Variants in PAIP2 observed in about 807,000 individuals in gnomAD.
PAIP2 encodes poly(A) binding protein interacting protein 2.
A neutral mutation model predicts 14.8 loss-of-function variants in PAIP2; 7 were observed. That is an observed-to-expected ratio of 0.47 (90% confidence interval 0.27 to 0.89). The LOEUF (loss-of-function observed/expected upper bound fraction) is 0.89, where lower values mean the gene tolerates loss of function less well. PAIP2 is among the 40% of genes least tolerant of loss of function. The pLI is 0.13. For missense variants in PAIP2, 122 were observed against 154.7 expected, an observed-to-expected ratio of 0.79 and a Z score of 1.12; for synonymous variants, 47 against 45.3, an observed-to-expected ratio of 1.04 and a Z score of -0.15.
intron 1 of PAIP2, among the ~76,000 whole-genome samples, chr5:139,351,504 T>G (rs1032806389): frequency 6.6e-6 from 1 of 152,244 alleles, no homozygotes; most frequent in Non-Finnish European, 1.5e-5. Flanking sequence ...AATACAGAAA[T>G]GCTTTATGTG....
chr5:139,343,719 T>G (rs1413065243), intron 1 of PAIP2, among the ~76,000 whole-genome samples: 1 of 148,904 alleles, frequency 6.7e-6, no homozygotes, highest in East Asian at 1.9e-4. Context: ...TTTTTTTTTT[T>G]TTTTTTTTTT....
intron 2 of PAIP2, 106 bp downstream of exon 2, chr5:139,364,028 A>C: frequency 1.1e-6 from 1 of 919,998 alleles, no homozygotes; most frequent in Admixed American, 2.2e-5. Context: ...TAAAGTATGT[A>C]GACTGATGTG....
At chr5:139,345,034 TTTGTTGTTG>T (rs369393131) in intron 1 of PAIP2, among the ~76,000 whole-genome samples, 3 of 151,636 alleles carry the variant, frequency 2.0e-5, no homozygotes, top group African/African-American at 4.8e-5. Flanking sequence ...CCCATGGGTT[TTTGTTGTTG>T]TTGTTGTTGT....
chr5:139,363,694 C>G (rs1757138087), intron 1 of PAIP2, 65 bp from the exon 2 acceptor site: 4 of 1,434,542 alleles, frequency 2.8e-6, no homozygotes, highest in African/African-American at 2.8e-5. Context: ...CGGAGTGAAA[C>G]CTTGTCTCAG....
intron 3 of PAIP2, among the ~76,000 whole-genome samples, chr5:139,366,851 A>G (rs1024399944): frequency 1.3e-5 from 2 of 152,158 alleles, no homozygotes; most frequent in African/African-American, 4.8e-5. Flanking sequence ...ACTTTGGCCC[A>G]GGAGTTCGAG....
At chr5:139,357,652 G>GA (rs1338555213) in intron 1 of PAIP2, among the ~76,000 whole-genome samples, 2 of 152,082 alleles carry the variant, frequency 1.3e-5, no homozygotes, top group African/African-American at 4.8e-5. Flanking sequence ...CCAACATGGT[G>GA]AAACCCCGCC....
In PAIP2 at chr5:139,349,347, C is replaced by G. The variant is rs372015146; in HGVS notation, c.-27+7367C>G. ...CACTGCAACCTCCGCCTCCTGAGTTCAAGCAATTCTCCTGCCTCAGCTTCC... is the reference window on the plus strand; with the variant it reads ...CACTGCAACCTCCGCCTCCTGAGTTGAAGCAATTCTCCTGCCTCAGCTTCC... On this transcript the variant is annotated intron_variant, in intron 1 of 3. Coordinates refer to ENST00000265192, the MANE Select transcript of PAIP2 (RefSeq NM_016480.5). 1.7e-4 allele frequency among the ~76,000 whole-genome samples: 26 copies of G among 152,250 alleles called. No homozygotes were observed. In the East Asian group the frequency reaches 4.1e-3, roughly 24 times the overall value.
intron 1 of PAIP2, among the ~76,000 whole-genome samples, chr5:139,351,510 ATG>A (rs1756733296): frequency 1.3e-5 from 2 of 152,328 alleles, no homozygotes; most frequent in South Asian, 2.1e-4. Context: ...GAAATGCTTT[ATG>A]TGTGTTTATA....
intron 1 of PAIP2, among the ~76,000 whole-genome samples, chr5:139,348,281 C>G (rs1756618314): frequency 1.3e-5 from 2 of 151,990 alleles, no homozygotes; most frequent in South Asian, 4.1e-4. Context: ...CTCTGCCTCC[C>G]AGGCTCGAGC....
intron 3 of PAIP2, among the ~76,000 whole-genome samples, chr5:139,366,202 CAA>C (rs1215094572): frequency 7.9e-5 from 2 of 25,318 alleles, no homozygotes; most frequent in Non-Finnish European, 1.8e-4. Flanking sequence ...GACTCCACCT[CAA>C]AAAAAAAAAA....
chr5:139,363,278 C>T (rs929335091), intron 1 of PAIP2, among the ~76,000 whole-genome samples: 25 of 151,976 alleles, frequency 1.6e-4, no homozygotes, highest in South Asian at 1.0e-3. Flanking sequence ...TTAGGCTGTC[C>T]TCTCCTGTTT....
chr5:139,348,550 G>T (rs1324136065), intron 1 of PAIP2, among the ~76,000 whole-genome samples: 1 of 151,444 alleles, frequency 6.6e-6, no homozygotes, highest in Admixed American at 6.6e-5. Flanking sequence ...GTAGAGATGG[G>T]GTTTCACCGT....
intron 1 of PAIP2, among the ~76,000 whole-genome samples, chr5:139,359,863 A>G (rs1485052251): frequency 2.6e-5 from 4 of 151,660 alleles, no homozygotes; most frequent in Non-Finnish European, 4.4e-5. Flanking sequence ...TCCCAGCTAC[A>G]CAGGAGGCGG....
At chr5:139,345,525 G>A (rs1171364527) in intron 1 of PAIP2, among the ~76,000 whole-genome samples, 1 of 152,006 alleles carries the variant, frequency 6.6e-6, no homozygotes, top group Non-Finnish European at 1.5e-5. Context: ...ATGCAAATAA[G>A]GTAAGGATCA....
chr5:139,369,198 A>G lies in PAIP2; in HGVS notation c.*400A>G, dbSNP rs1271193775. 6.4e-6 allele frequency: 1 copy of G among 155,326 alleles called. No homozygotes were observed. Among genetic ancestry groups the G allele is most frequent in the East Asian group, 1.9e-4 (1 of 5,328 alleles). 9.6% of individuals were successfully genotyped at this position (155,326 alleles called of 1,614,324 possible). A position where few individuals can be genotyped will look rare whatever the true frequency, so the allele number is the denominator to read the frequency against. On this transcript the variant is annotated 3_prime_UTR_variant, in exon 4 of 4. Coordinates refer to ENST00000265192, the MANE Select transcript of PAIP2 (RefSeq NM_016480.5). ...AGCATATTTCTCAGACTTAAATTTG[A>G]TTATGTCCCCATCAAAAAGAATCTC...
At chr5:139,357,103 T>A (rs530058548) in intron 1 of PAIP2, among the ~76,000 whole-genome samples, 4 of 152,290 alleles carry the variant, frequency 2.6e-5, no homozygotes, top group East Asian at 1.9e-4. Flanking sequence ...AGATTTTTTT[T>A]AAATGCCTTT....
chr5:139,350,612 CA>C (rs1756697740), intron 1 of PAIP2, among the ~76,000 whole-genome samples: 1 of 150,074 alleles, frequency 6.7e-6, no homozygotes, highest in Admixed American at 6.7e-5. Context: ...GCCTGGGTGA[CA>C]GAGTGAGACT....
chr5:139,348,610 G>A (rs1756630385), intron 1 of PAIP2, among the ~76,000 whole-genome samples: 1 of 151,734 alleles, frequency 6.6e-6, no homozygotes, highest in African/African-American at 2.4e-5. Flanking sequence ...GCCCACCTCG[G>A]CCTCCCAAAG....
intron 1 of PAIP2, among the ~76,000 whole-genome samples, chr5:139,359,369 C>T (rs1210925215): frequency 6.6e-6 from 1 of 152,028 alleles, no homozygotes; most frequent in Non-Finnish European, 1.5e-5. Context: ...AAACTCCTGA[C>T]CTCAAGTGAT....
Sources: gnomAD v4.1 joint callset for allele counts (sites outside exome capture counted in the v4.1 genomes callset) on GRCh38, gnomAD v4.1.1 for gene constraint, MANE v1.5 for transcripts, NCBI Gene and HGNC (gene_info 2026-07-23, HGNC 2026-07-21) for gene names.